The following CAST variants were observed in gnomAD, a reference collection of about 807,000 sequenced individuals.
CAST encodes the protein calpastatin, also known as MIR583 host.
A neutral mutation model predicts 119.6 loss-of-function variants in CAST; 76 were observed. The ratio of observed to expected loss-of-function variants is 0.64; its 90% CI spans 0.53 to 0.77. The LOEUF is 0.77. CAST is among the 30% of genes least tolerant of loss of function. The pLI is 0.00. For missense variants in CAST, 953 were observed against 946.5 expected (o/e 1.01, Z -0.09); for synonymous variants, 319 against 331.6 (o/e 0.96, Z 0.41).
the CAST span, chr5:96,410,833 T>G: frequency 1.2e-6 from 2 of 1,614,016 alleles, no homozygotes; most frequent in Non-Finnish European, 1.7e-6. Context: ...GAGGAGCACT[T>G]CTCAGCGTAC....
At chr5:96,048,785 A>G in the CAST span, among the ~76,000 whole-genome samples, 2 of 152,164 alleles carry the variant, frequency 1.3e-5, no homozygotes, top group African/African-American at 4.8e-5. Flanking sequence ...TATTGCCAAG[A>G]GTCTTTTTTC....
At chr5:96,621,154 T>C (rs999554948) in intron 1 of CAST, among the ~76,000 whole-genome samples, 22 of 152,222 alleles carry the variant, frequency 1.4e-4, no homozygotes, top group Non-Finnish European at 1.2e-4. Context: ...TAAAAGAGAC[T>C]CCTGTAAGTG....
the CAST span, among the ~76,000 whole-genome samples, chr5:96,321,022 C>T: frequency 6.6e-6 from 1 of 152,274 alleles, no homozygotes; most frequent in Admixed American, 6.5e-5. Context: ...TGGAGGATTG[C>T]AGCAGCAGGT....
intron 1 of CAST, among the ~76,000 whole-genome samples, chr5:96,637,269 C>T (rs1179133319): frequency 6.6e-6 from 1 of 152,126 alleles, no homozygotes; most frequent in Admixed American, 6.6e-5. Context: ...AGGGGTAGTT[C>T]CATTTCACAA....
intron 1 of CAST, among the ~76,000 whole-genome samples, chr5:96,550,559 A>G (rs1335192781): frequency 1.3e-5 from 2 of 152,230 alleles, no homozygotes; most frequent in East Asian, 1.9e-4. Context: ...TGGACAGAGA[A>G]TGAGTTTGAC....
intron 1 of CAST, among the ~76,000 whole-genome samples, chr5:96,588,540 C>A (rs1039357282): frequency 1.3e-5 from 2 of 152,058 alleles, no homozygotes; most frequent in Non-Finnish European, 2.9e-5. Flanking sequence ...GTTTACTGGG[C>A]TTTTTTATCT....
intron 1 of CAST, among the ~76,000 whole-genome samples, chr5:96,623,090 T>A (rs1293475492): frequency 6.6e-6 from 1 of 152,040 alleles, no homozygotes; most frequent in Non-Finnish European, 1.5e-5. Flanking sequence ...GGTCTCGAAC[T>A]CCTGACCTCG....
the CAST span, among the ~76,000 whole-genome samples, chr5:96,217,300 C>CAA: frequency 6.6e-6 from 1 of 150,442 alleles, no homozygotes; most frequent in East Asian, 2.0e-4. Context: ...CTCAGCCTCC[C>CAA]AAAGTGCTCG....
chr5:96,210,471 G>T, the CAST span, among the ~76,000 whole-genome samples: 2 of 151,904 alleles, frequency 1.3e-5, no homozygotes, highest in African/African-American at 2.4e-5. Flanking sequence ...AATTGCTTTT[G>T]CACCTTCATC....
At chr5:96,381,034 C>A in the CAST span, among the ~76,000 whole-genome samples, 45 of 152,192 alleles carry the variant, frequency 3.0e-4, no homozygotes, top group African/African-American at 1.1e-3. Flanking sequence ...ATGTTCCTTC[C>A]TTTTTCAGCC....
chr5:96,453,395 A>T, the CAST span, among the ~76,000 whole-genome samples: 1 of 152,234 alleles, frequency 6.6e-6, no homozygotes, highest in Non-Finnish European at 1.5e-5. Context: ...ATGTGTAGTG[A>T]AATGTAATAT....
chr5:96,115,587 C>G, the CAST span, among the ~76,000 whole-genome samples: 1 of 152,144 alleles, frequency 6.6e-6, no homozygotes, highest in Non-Finnish European at 1.5e-5. Context: ...AGTCTGGTTC[C>G]AGAGTTCAAG....
chr5:96,731,158 T>A (rs1760398179), intron 9 of CAST, among the ~76,000 whole-genome samples: 1 of 152,220 alleles, frequency 6.6e-6, no homozygotes, highest in Non-Finnish European at 1.5e-5. Flanking sequence ...TGTATAGATA[T>A]GAAATAAAGC....
the CAST span, among the ~76,000 whole-genome samples, chr5:96,271,367 T>A: frequency 6.6e-6 from 1 of 152,134 alleles, no homozygotes; most frequent in African/African-American, 2.4e-5. Context: ...AAAGTTATAA[T>A]AACCAAATCA....
At chr5:96,194,945 AG>A in the CAST span, among the ~76,000 whole-genome samples, 1 of 152,184 alleles carries the variant, frequency 6.6e-6, no homozygotes, top group Non-Finnish European at 1.5e-5. Context: ...AGTAAGATGC[AG>A]GCATACCTTG....
chr5:96,283,999 G>T, the CAST span, among the ~76,000 whole-genome samples: 3 of 152,156 alleles, frequency 2.0e-5, no homozygotes, highest in Non-Finnish European at 2.9e-5. Context: ...ACTGGGGTAG[G>T]GATGGGTGCT....
At chr5:96,230,433 G>C in the CAST span, among the ~76,000 whole-genome samples, 17 of 152,102 alleles carry the variant, frequency 1.1e-4, no homozygotes, top group Non-Finnish European at 1.9e-4. Flanking sequence ...ATTATCATCT[G>C]TAAAATTAAA....
At chr5:96,666,055 T>C (rs777561715) in intron 1 of CAST, among the ~76,000 whole-genome samples, 6 of 152,224 alleles carry the variant, frequency 3.9e-5, no homozygotes, top group Non-Finnish European at 8.8e-5. Context: ...TGGAATCCTT[T>C]AAGTACTGAA....
chr5:96,707,266 C>A (rs563813512), intron 3 of CAST, among the ~76,000 whole-genome samples: 128 of 152,318 alleles, frequency 8.4e-4, no homozygotes, highest in African/African-American at 2.9e-3. Flanking sequence ...TGTTTTCCTA[C>A]AGATCCCTTT....
Sources: gnomAD v4.1 joint callset for allele counts (sites outside exome capture counted in the v4.1 genomes callset) on GRCh38, gnomAD v4.1.1 for gene constraint, MANE v1.5 for transcripts, NCBI Gene and HGNC (gene_info 2026-07-23, HGNC 2026-07-21) for gene names.